KCNG2: variants seen among roughly 807,000 people sequenced by gnomAD.
KCNG2 encodes the protein voltage-gated potassium channel regulatory subunit KCNG2.
Under a neutral mutation model 12.3 loss-of-function variants are expected in KCNG2, and 7 were observed. The ratio of observed to expected loss-of-function variants is 0.57; its 90% confidence interval spans 0.32 to 1.07. The LOEUF (loss-of-function observed/expected upper bound fraction) is 1.07, where lower values mean the gene tolerates loss of function less well. KCNG2 is among the 50% of genes least tolerant of loss of function. The pLI is 0.04. For synonymous variants in KCNG2, 414 were observed against 351.4 expected (o/e 1.18, Z -1.99); for missense variants, 703 against 726.0 (o/e 0.97, Z 0.36).
intron 1 of KCNG2, among the ~76,000 whole-genome samples, chr18:79,809,902 C>T (rs542214338): frequency 1.2e-4 from 19 of 152,340 alleles, no homozygotes; most frequent in South Asian, 2.1e-4. Context: ...CTCCCACTAT[C>T]GTGACGCTCC....
chr18:79,876,650 G>A (rs1346459250), intron 3 of KCNG2, among the ~76,000 whole-genome samples: 1 of 152,216 alleles, frequency 6.6e-6, no homozygotes, highest in African/African-American at 2.4e-5. Flanking sequence ...GTGCCCTGAG[G>A]GCAGGGCCAG....
In KCNG2 at chr18:79,887,293, C is replaced by T. The variant is rs541283069; in HGVS notation, c.625-11747C>T. Reference sequence around the variant, plus strand: ...AGGACATGGGGACAGGACACAGGGACGGAAATGCTGAGACAGCAGAGGCGG... The same window carrying T: ...AGGACATGGGGACAGGACACAGGGATGGAAATGCTGAGACAGCAGAGGCGG... On this transcript the variant is annotated intron_variant, in intron 3 of 3. Coordinates refer to ENST00000316249, the MANE Select transcript of KCNG2 (RefSeq NM_012283.2). Among the ~76,000 whole-genome samples, 12 of 152,088 alleles carry T rather than the reference C, an allele frequency of 7.9e-5. No individual in the cohort carries two copies. In the East Asian group the frequency reaches 1.4e-3, roughly 17 times the overall value.
chr18:79,833,146 GTT>G (rs1189940746), intron 1 of KCNG2, among the ~76,000 whole-genome samples: 1 of 151,120 alleles, frequency 6.6e-6, no homozygotes, highest in African/African-American at 2.4e-5. Flanking sequence ...GGTTTTTTTT[GTT>G]TTTTTGAGAT....
intron 1 of KCNG2, among the ~76,000 whole-genome samples, chr18:79,853,356 G>A (rs1025509255): frequency 2.0e-5 from 3 of 152,310 alleles, no homozygotes; most frequent in Admixed American, 6.5e-5. Flanking sequence ...AACGCCGAGC[G>A]TGAGGGGTCA....
At chr18:79,818,145 T>C (rs1425234046) in intron 1 of KCNG2, among the ~76,000 whole-genome samples, 1 of 152,216 alleles carries the variant, frequency 6.6e-6, no homozygotes, top group Non-Finnish European at 1.5e-5. Context: ...GTGGTGCCTG[T>C]CCTGGATCCA....
intron 1 of KCNG2, among the ~76,000 whole-genome samples, chr18:79,836,442 A>T (rs1978325757): frequency 6.6e-6 from 1 of 152,256 alleles, no homozygotes; most frequent in African/African-American, 2.4e-5. Context: ...CATCCAACAG[A>T]TCTATTTGAT....
At chr18:79,855,076 C>T (rs1420166004) in intron 1 of KCNG2, among the ~76,000 whole-genome samples, 2 of 151,474 alleles carry the variant, frequency 1.3e-5, no homozygotes, top group African/African-American at 4.9e-5. Flanking sequence ...TTTGCTTTCC[C>T]TAGTGTTTTT....
intron 3 of KCNG2, 56 bp downstream of exon 3, chr18:79,864,347 C>T (rs1979369805): frequency 5.5e-5 from 13 of 235,590 alleles, no homozygotes; most frequent in Non-Finnish European, 1.0e-4. Flanking sequence ...GGGCTGGGAT[C>T]TGGGCTGCGG....
chr18:79,840,079 A>G (rs532949540), intron 1 of KCNG2, among the ~76,000 whole-genome samples: 1 of 152,372 alleles, frequency 6.6e-6, no homozygotes, highest in South Asian at 2.1e-4. Flanking sequence ...GCTCACTTTC[A>G]TCACTCTTAT....
rs548361296 is a variant in KCNG2, at chr18:79,822,489, G to C, written c.-115+24475G>C. Among the ~76,000 whole-genome samples, 316 of 152,248 alleles carry C rather than the reference G, an allele frequency of 2.1e-3. 1 individual carries two copies. The highest frequency in any genetic ancestry group is 7.3e-3 in the African/African-American group (302 of 41,536). ...GGGTCTCACTCTGTCCCCCAGGCTG[G>C]AGTGTAGTGTTGCAGTCATGGCTCC... On this transcript the variant is annotated intron_variant, in intron 1 of 3. Coordinates refer to ENST00000316249, the MANE Select transcript of KCNG2 (RefSeq NM_012283.2). The surrounding 1 kb of genome is among the most constrained non-coding windows in gnomAD (Gnocchi z 4.4).
intron 3 of KCNG2, among the ~76,000 whole-genome samples, chr18:79,898,836 G>T (rs1188787028): frequency 6.6e-6 from 1 of 152,248 alleles, no homozygotes; most frequent in Non-Finnish European, 1.5e-5. Flanking sequence ...TCTCAAGCCC[G>T]AAGTGATCAC....
chr18:79,801,754 T>A (rs903732386), intron 1 of KCNG2, among the ~76,000 whole-genome samples: 1 of 152,248 alleles, frequency 6.6e-6, no homozygotes, highest in Admixed American at 6.5e-5. Context: ...ATAGGATTAG[T>A]GCAGTGGCAA....
chr18:79,854,603 T>C (rs2123053389), intron 1 of KCNG2, among the ~76,000 whole-genome samples: 1 of 149,702 alleles, frequency 6.7e-6, no homozygotes, highest in East Asian at 2.0e-4. Flanking sequence ...CTTGGCTCAC[T>C]GCAAGCTCCA....
chr18:79,813,881 A>G (rs968264824), intron 1 of KCNG2, among the ~76,000 whole-genome samples: 3 of 152,258 alleles, frequency 2.0e-5, no homozygotes, highest in Admixed American at 6.5e-5. Flanking sequence ...TGGAATATAT[A>G]AAGAACTCTC....
intron 3 of KCNG2, among the ~76,000 whole-genome samples, chr18:79,889,624 C>T (rs1199459723): frequency 2.0e-5 from 3 of 152,192 alleles, no homozygotes; most frequent in East Asian, 1.9e-4. Context: ...TTTGAATGGA[C>T]GTTTTTAGTG....
intron 1 of KCNG2, among the ~76,000 whole-genome samples, chr18:79,805,880 C>T (rs1185988859): frequency 4.6e-5 from 7 of 151,962 alleles, no homozygotes; most frequent in East Asian, 1.9e-4. Flanking sequence ...CACACACACA[C>T]GTGCACACAC....
chr18:79,814,310 A>G (rs893221633), intron 1 of KCNG2, among the ~76,000 whole-genome samples: 7 of 152,252 alleles, frequency 4.6e-5, no homozygotes, highest in African/African-American at 1.7e-4. Flanking sequence ...AATTTTCATA[A>G]TGTTATTACT....
chr18:79,847,303 C>A (rs1978659309), intron 1 of KCNG2, among the ~76,000 whole-genome samples: 1 of 152,200 alleles, frequency 6.6e-6, no homozygotes, highest in Non-Finnish European at 1.5e-5. Flanking sequence ...TTGCTGGGAG[C>A]CATCCTGGGC....
intron 2 of KCNG2, among the ~76,000 whole-genome samples, chr18:79,860,144 C>A (rs185567589): frequency 8.5e-5 from 13 of 152,274 alleles, no homozygotes; most frequent in Non-Finnish European, 7.4e-5. Flanking sequence ...TTTAAACGAA[C>A]AGATCTCATT....
Sources: gnomAD v4.1 joint callset for allele counts (sites outside exome capture counted in the v4.1 genomes callset) on GRCh38, gnomAD v4.1.1 for gene constraint, Gnocchi (gnomAD v3.1) non-coding constraint, MANE v1.5 for transcripts, NCBI Gene and HGNC (gene_info 2026-07-23, HGNC 2026-07-21) for gene names.